The following CACNA1D variants were observed in gnomAD, a reference collection of about 807,000 sequenced individuals.
CACNA1D encodes the protein calcium voltage-gated channel subunit alpha1 D.
Under a neutral mutation model 257.1 loss-of-function variants are expected in CACNA1D, and 55 were observed. That is an observed-to-expected ratio of 0.21 (90% CI 0.17 to 0.27). The LOEUF (loss-of-function observed/expected upper bound fraction) is 0.27, where lower values mean the gene tolerates loss of function less well. Ranked by LOEUF, CACNA1D falls within the 10% of genes least tolerant of loss-of-function variation. The pLI, the probability that CACNA1D is intolerant of heterozygous loss-of-function variation, is 1.00. For synonymous variants in CACNA1D, 980 were observed against 1,014.9 expected (o/e 0.97, Z 0.65); for missense variants, 1,876 against 2,784.0 (o/e 0.67, Z 7.34).
intron 40 of CACNA1D, among the ~76,000 whole-genome samples, chr3:53,790,753 C>T (rs1428596286): frequency 6.6e-6 from 1 of 152,204 alleles, no homozygotes; most frequent in Non-Finnish European, 1.5e-5. Context: ...TGCATAAAGA[C>T]AGAAGAAAAT....
intron 2 of CACNA1D, among the ~76,000 whole-genome samples, chr3:53,500,938 A>T (rs148066041): frequency 1.6e-4 from 24 of 152,352 alleles, no homozygotes; most frequent in African/African-American, 5.5e-4. Context: ...CAGTAACAGC[A>T]TATTATAAAC....
intron 9 of CACNA1D, among the ~76,000 whole-genome samples, chr3:53,704,525 G>A (rs780193921): frequency 6.6e-6 from 1 of 152,210 alleles, no homozygotes; most frequent in Non-Finnish European, 1.5e-5. Flanking sequence ...GAAGTGATCA[G>A]ATGTAAGAGT....
rs574686888 is a variant in CACNA1D, at chr3:53,709,023, G to A, written c.1390+6213G>A. On this transcript the variant is annotated intron_variant, in intron 9 of 47. Transcript: ENST00000350061. ...TGGACTATGCACTCTACAGCACGTG[G>A]ACCTCTACTTTATAGAGGTCTCTCC... Among the ~76,000 whole-genome samples, 148 of 152,270 alleles carry A rather than the reference G, an allele frequency of 9.7e-4. 1 individual carries two copies. Among genetic ancestry groups the A allele is most frequent in the South Asian group, 3.1e-3 (15 of 4,826 alleles).
chr3:53,682,395 A>AAAAAAAAAAAAAAAAAAAAC (rs2094440918), intron 8 of CACNA1D, among the ~76,000 whole-genome samples: 1 of 137,610 alleles, frequency 7.3e-6, no homozygotes, highest in African/African-American at 2.7e-5. Flanking sequence ...AAAAAAAAAA[A>AAAAAAAAAAAAAAAAAAAAC]ACAGAAGTCT....
At chr3:53,787,845 A>G (rs539764207) in intron 40 of CACNA1D, among the ~76,000 whole-genome samples, 82 of 152,310 alleles carry the variant, frequency 5.4e-4, no homozygotes, top group African/African-American at 1.9e-3. Context: ...GAGGCTGGCA[A>G]ATCATCTGAA....
intron 3 of CACNA1D, among the ~76,000 whole-genome samples, chr3:53,503,027 G>A (rs373942011): frequency 1.6e-4 from 25 of 152,108 alleles, no homozygotes; most frequent in African/African-American, 5.8e-4. Flanking sequence ...AGCTCTGCTG[G>A]CTTCTGAAGA....
At chr3:53,603,762 T>C (rs2093473927) in intron 3 of CACNA1D, among the ~76,000 whole-genome samples, 1 of 152,228 alleles carries the variant, frequency 6.6e-6, no homozygotes, top group South Asian at 2.1e-4. Context: ...TGAATACCCC[T>C]GGGGAACTTC....
At position 53,810,069 on chromosome 3, in the gene CACNA1D, C is replaced by T; in HGVS notation, c.5963C>T (p.Pro1988Leu). ...TRSWATPPAT[P>L]PYRDWTPCYT... The stretch of plus-strand genomic sequence containing the variant: ...TCGTGGGCCACCCCTCCAGCAACCC[C>T]TCCCTACCGGGACTGGACACCGTGC... Residue 1988 changes from proline to leucine, a missense_variant, in exon 47 of 48, where the codon CCT becomes CTT. By Grantham distance (98) the Pro-to-Leu change is moderately conservative. This residue lies in a region of CACNA1D where 491 missense variants were observed against 554.3 expected (regional missense o/e 0.89). Transcript: ENST00000350061. 2 of 1,614,014 alleles carry T rather than the reference C, an allele frequency of 1.2e-6. No individual in the cohort carries two copies. The highest frequency in any genetic ancestry group is 1.1e-5 in the South Asian group (1 of 91,082).
At chr3:53,625,188 GGTCCTGACATTGAGA>G (rs2093742952) in intron 3 of CACNA1D, among the ~76,000 whole-genome samples, 2 of 152,152 alleles carry the variant, frequency 1.3e-5, no homozygotes, top group Non-Finnish European at 1.5e-5. Context: ...CGGGTCTTGA[GGTCCTGACATTGAGA>G]GTGTGCCCTG....
chr3:53,771,566 A>C (rs2095366466), intron 32 of CACNA1D, among the ~76,000 whole-genome samples: 1 of 152,202 alleles, frequency 6.6e-6, no homozygotes, highest in Admixed American at 6.5e-5. Flanking sequence ...AGGAAGGTAA[A>C]GTGGGGGCCT....
At chr3:53,548,667 T>A (rs900789437) in intron 3 of CACNA1D, among the ~76,000 whole-genome samples, 1 of 152,156 alleles carries the variant, frequency 6.6e-6, no homozygotes, top group Admixed American at 6.5e-5. Flanking sequence ...TTATTTCTGC[T>A]TGTATTATCT....
At chr3:53,675,098 C>T (rs1239117484) in intron 8 of CACNA1D, among the ~76,000 whole-genome samples, 1 of 152,142 alleles carries the variant, frequency 6.6e-6, no homozygotes, top group Non-Finnish European at 1.5e-5. Context: ...TAGTCAGTTC[C>T]ACACCAGGGA....
intron 37 of CACNA1D, 49 bp from the exon 38 acceptor site, chr3:53,779,971 ATGGTCG>A (rs2095417435): frequency 8.6e-7 from 1 of 1,158,538 alleles, no homozygotes; most frequent in African/African-American, 1.5e-5. Flanking sequence ...CCAAAAGGAT[ATGGTCG>A]TGGTCACTCA....
rs373800668 is a variant in CACNA1D at position 53,523,808 on chromosome 3, A to G, written c.483+22088A>G. Among the ~76,000 whole-genome samples the G allele has an allele frequency of 4.6e-5, 7 of 152,246 alleles. No individual in the cohort carries two copies. In the East Asian group the frequency reaches 1.3e-3, roughly 29 times the overall value. ...TATCTCCAGCCTATCTCTAGAATCT[A>G]TTTTTTGCAGGGAGGACTGTCCTTG... is the stretch of plus-strand genomic sequence containing the variant. On this transcript the variant is annotated intron_variant, in intron 3 of 47. Transcript: ENST00000350061.
chr3:53,658,335 C>T (rs1480830020), intron 4 of CACNA1D, among the ~76,000 whole-genome samples: 1 of 152,148 alleles, frequency 6.6e-6, no homozygotes, highest in Non-Finnish European at 1.5e-5. Context: ...AGGGACTTTC[C>T]TAATATCTCA....
intron 3 of CACNA1D, among the ~76,000 whole-genome samples, chr3:53,594,990 T>C (rs1576015407): frequency 1.3e-5 from 2 of 152,208 alleles, no homozygotes; most frequent in East Asian, 3.8e-4. Context: ...ATGGTGGGAG[T>C]TCAGTCCGTT....
At chr3:53,711,195 G>A (rs367872740) in intron 9 of CACNA1D, among the ~76,000 whole-genome samples, 11 of 152,222 alleles carry the variant, frequency 7.2e-5, no homozygotes, top group African/African-American at 2.4e-4. Context: ...TGCAGTCAGC[G>A]ATATTGCGCC....
intron 8 of CACNA1D, among the ~76,000 whole-genome samples, chr3:53,685,517 G>A (rs946717466): frequency 5.9e-5 from 9 of 151,946 alleles, no homozygotes; most frequent in African/African-American, 1.7e-4. Flanking sequence ...CAATAATTGC[G>A]GAATACACAT....
Position 53,494,975 on chromosome 3 carries a change from G to T in CACNA1D, c.-192G>T. 1 of 597,150 alleles carries T rather than the reference G, an allele frequency of 1.7e-6. No individual in the cohort carries two copies. The allele number at this position is 597,150 out of a possible 1,614,324, so 37.0% of individuals were successfully genotyped here. A position where few individuals can be genotyped will look rare whatever the true frequency, so the allele number is the denominator to read the frequency against. The stretch of plus-strand genomic sequence containing the variant: ...AAAAGAGAGAGCTTGGGTGGCGAGC[G>T]GTTTTTTTTTTAAATCAATTATCCT... On this transcript the variant is annotated 5_prime_UTR_variant, in exon 1 of 48. Transcript: ENST00000350061.
Sources: allele counts gnomAD v4.1 joint callset (sites outside exome capture counted in the v4.1 genomes callset), GRCh38; gene constraint gnomAD v4.1.1; regional missense constraint gnomAD v4.1.1; transcripts MANE v1.5; gene names NCBI Gene and HGNC (gene_info 2026-07-23, HGNC 2026-07-21).